Variants in RASAL2 observed in about 807,000 individuals in gnomAD.
RASAL2 encodes the protein RAS protein activator like 2.
A neutral mutation model predicts 128.9 loss-of-function variants in RASAL2; 58 were observed. The observed-to-expected ratio is 0.45, with a 90% CI of 0.36 to 0.56. The LOEUF (loss-of-function observed/expected upper bound fraction) is 0.56. Among genes scored for constraint, RASAL2 ranks in the 20% least tolerant of loss-of-function variants. The pLI is 0.00. For missense variants in RASAL2, 1,360 were observed against 1,601.6 expected (o/e 0.85, Z 2.57); for synonymous variants, 561 against 580.8 (o/e 0.97, Z 0.49).
chr1:178,098,395 C>G (rs1311971942), intron 1 of RASAL2, among the ~76,000 whole-genome samples: 1 of 152,180 alleles, frequency 6.6e-6, no homozygotes, highest in Non-Finnish European at 1.5e-5. Context: ...TTTATAGCCT[C>G]AAAGCAAAGT....
chr1:178,345,059 G>T (rs1670079086), intron 3 of RASAL2, among the ~76,000 whole-genome samples: 1 of 152,250 alleles, frequency 6.6e-6, no homozygotes, highest in African/African-American at 2.4e-5. Flanking sequence ...GAAGGCCTTT[G>T]TCCTCTCTGG....
intron 1 of RASAL2, among the ~76,000 whole-genome samples, chr1:178,200,359 C>G (rs556262262): frequency 6.6e-6 from 1 of 152,264 alleles, no homozygotes; most frequent in African/African-American, 2.4e-5. Flanking sequence ...AAAATAAATG[C>G]GTTTGACATT....
At chr1:178,154,744 C>T (rs958886156) in intron 1 of RASAL2, among the ~76,000 whole-genome samples, 3 of 152,188 alleles carry the variant, frequency 2.0e-5, no homozygotes, top group Admixed American at 2.0e-4. Flanking sequence ...TTATTGTGTA[C>T]TTCTATCAGG....
At chr1:178,202,093 CA>C (rs1197127115) in intron 1 of RASAL2, among the ~76,000 whole-genome samples, 2 of 152,164 alleles carry the variant, frequency 1.3e-5, no homozygotes, top group Non-Finnish European at 2.9e-5. Context: ...ACGTTGATTC[CA>C]GGGGACCCAA....
chr1:178,436,390 T>C (rs1033320673), intron 5 of RASAL2, among the ~76,000 whole-genome samples: 4 of 152,148 alleles, frequency 2.6e-5, no homozygotes, highest in Non-Finnish European at 4.4e-5. Flanking sequence ...TTTGGAGTTA[T>C]AATTCTAAGT....
intron 1 of RASAL2, among the ~76,000 whole-genome samples, chr1:178,213,473 A>G (rs1663323805): frequency 6.6e-6 from 1 of 152,204 alleles, no homozygotes; most frequent in Admixed American, 6.5e-5. Flanking sequence ...GCTTTATCAT[A>G]GACAAAAACT....
chr1:178,469,537 TTC>T (rs1648067308), intron 17 of RASAL2, among the ~76,000 whole-genome samples: 1 of 152,150 alleles, frequency 6.6e-6, no homozygotes, highest in Non-Finnish European at 1.5e-5. Flanking sequence ...AGTAAGGACT[TTC>T]TCTCAGTTAA....
intron 2 of RASAL2, among the ~76,000 whole-genome samples, chr1:178,288,470 A>G (rs1332277517): frequency 1.3e-5 from 2 of 151,748 alleles, no homozygotes; most frequent in Non-Finnish European, 2.9e-5. Context: ...TTACTTTTTT[A>G]ACTGTGATTG....
chr1:178,318,473 G>T (rs1482526351), intron 3 of RASAL2, among the ~76,000 whole-genome samples: 2 of 151,664 alleles, frequency 1.3e-5, no homozygotes, highest in African/African-American at 4.8e-5. Context: ...GAATCTGGGT[G>T]CTCCCGTATT....
In RASAL2 at chr1:178,094,244, C is replaced by T; in HGVS notation, c.-249C>T. The T allele has an allele frequency of 1.9e-6, 1 of 520,652 alleles. No homozygotes were observed. Among genetic ancestry groups the T allele is most frequent in the South Asian group, 2.6e-5 (1 of 38,350 alleles). The allele number at this position is 520,652 out of a possible 1,614,324, so 32.3% of individuals were successfully genotyped here. A position where few individuals can be genotyped will look rare whatever the true frequency, so the allele number is the denominator to read the frequency against. The stretch of plus-strand genomic sequence containing the variant: ...ACACACACCTGAGCCCGGACCCACC[C>T]TTGGTCGGGGCCACGCTGGATCCTC... On this transcript the variant is annotated 5_prime_UTR_variant, in exon 1 of 18. Coordinates refer to ENST00000367649, the MANE Select transcript of RASAL2 (RefSeq NM_170692.4).
intron 1 of RASAL2, 131 bp downstream of exon 1, chr1:178,094,825 C>G: frequency 8.9e-7 from 1 of 1,124,572 alleles, no homozygotes; most frequent in Non-Finnish European, 1.3e-6. Context: ...CCTTTTTGTT[C>G]TGGGGGTGCA....
At chr1:178,262,598 A>G (rs1170598517) in intron 1 of RASAL2, among the ~76,000 whole-genome samples, 1 of 152,192 alleles carries the variant, frequency 6.6e-6, no homozygotes, top group Non-Finnish European at 1.5e-5. Flanking sequence ...GCATTTGAGA[A>G]GTATATACAC....
rs532287095 is a variant in RASAL2 at position 178,108,000 on chromosome 1, A to G, written c.202+13306A>G. ...GAAATGCTGGGTGTATGGTTGTTCTATGTTTAGCCTTTTGAGAAACTGCCA... is the reference window on the plus strand; with the variant it reads ...GAAATGCTGGGTGTATGGTTGTTCTGTGTTTAGCCTTTTGAGAAACTGCCA... On this transcript the variant is annotated intron_variant, in intron 1 of 17. Transcript: ENST00000367649. 5.9e-5 allele frequency among the ~76,000 whole-genome samples: 9 copies of G among 152,118 alleles called. No individual in the cohort carries two copies. In the South Asian group the frequency reaches 1.2e-3, roughly 21 times the overall value.
chr1:178,388,533 A>G (rs1296445653), intron 3 of RASAL2, among the ~76,000 whole-genome samples: 1 of 152,230 alleles, frequency 6.6e-6, no homozygotes, highest in Non-Finnish European at 1.5e-5. Flanking sequence ...ACTCTCTTGT[A>G]CTGCAAGCAT....
intron 4 of RASAL2, among the ~76,000 whole-genome samples, chr1:178,412,927 A>G (rs1372746837): frequency 6.6e-6 from 1 of 152,140 alleles, no homozygotes; most frequent in Non-Finnish European, 1.5e-5. Flanking sequence ...GAAAGGAGGC[A>G]TTTTGAAATG....
chr1:178,223,178 G>C (rs574825115), intron 1 of RASAL2, among the ~76,000 whole-genome samples: 3 of 152,098 alleles, frequency 2.0e-5, no homozygotes, highest in African/African-American at 4.8e-5. Context: ...CTAAGCACTT[G>C]AGACACTATG....
intron 1 of RASAL2, among the ~76,000 whole-genome samples, chr1:178,266,137 A>G (rs1665936179): frequency 6.6e-6 from 1 of 152,210 alleles, no homozygotes; most frequent in South Asian, 2.1e-4. Context: ...TAGAATTGCT[A>G]GATATGTATA....
intron 1 of RASAL2, among the ~76,000 whole-genome samples, chr1:178,198,712 T>A (rs533326133): frequency 1.3e-5 from 2 of 152,256 alleles, no homozygotes; most frequent in South Asian, 4.1e-4. Flanking sequence ...GGCACCTGGT[T>A]GTATGAGGTG....
At chr1:178,331,299 G>A (rs1669295619) in intron 3 of RASAL2, among the ~76,000 whole-genome samples, 1 of 152,172 alleles carries the variant, frequency 6.6e-6, no homozygotes, top group Non-Finnish European at 1.5e-5. Flanking sequence ...AGCCTCCTGA[G>A]TAGCTGGGAG....
Sources: gnomAD v4.1 joint callset for allele counts (sites outside exome capture counted in the v4.1 genomes callset) on GRCh38, gnomAD v4.1.1 for gene constraint, MANE v1.5 for transcripts, NCBI Gene and HGNC (gene_info 2026-07-23, HGNC 2026-07-21) for gene names.